CEP89: variants seen among roughly 807,000 people sequenced by gnomAD.
CEP89 encodes the protein centrosomal protein of 89 kDa.
Under a neutral mutation model 97.6 loss-of-function variants are expected in CEP89, and 95 were observed. The observed-to-expected ratio is 0.97, with a 90% CI of 0.82 to 1.15. CEP89 has a LOEUF of 1.15. Among genes scored for constraint, CEP89 ranks in the 50% most tolerant of loss-of-function variants. The pLI is 0.00. For missense variants in CEP89, 869 were observed against 947.7 expected (o/e 0.92, Z 1.09); for synonymous variants, 354 against 349.1 (o/e 1.01, Z -0.16).
At position 32,966,388 on chromosome 19, in the gene CEP89, TGCGGG is replaced by T; in HGVS notation, c.113_117del (p.Pro38GlnfsTer39). 1 of 1,558,150 alleles carries T rather than the reference TGCGGG, an allele frequency of 6.4e-7. No homozygotes were observed. The highest frequency in any genetic ancestry group is 8.7e-7 in the Non-Finnish European group (1 of 1,148,682). ...GGTCTCTCTGGAGATGGGTTGGGGC[TGCGGG>T]GAGGAGGTGTGCGTGGCACAGCTGC... On this transcript the variant is annotated frameshift_variant, in exon 2 of 19. Coordinates refer to ENST00000305768, the MANE Select transcript of CEP89 (RefSeq NM_032816.5). LOFTEE classifies it high-confidence loss of function.
At chr19:32,927,498 AC>A (rs1019931152) in intron 9 of CEP89, among the ~76,000 whole-genome samples, 3 of 151,780 alleles carry the variant, frequency 2.0e-5, no homozygotes, top group African/African-American at 7.3e-5. Flanking sequence ...ACCTAACCTA[AC>A]CTATATGTTA....
intron 3 of CEP89, among the ~76,000 whole-genome samples, chr19:32,957,811 AAAAT>A (rs1329204967): frequency 1.3e-5 from 2 of 152,124 alleles, no homozygotes; most frequent in African/African-American, 4.8e-5. Context: ...CTCTGGCTCA[AAAAT>A]AAATAAATAA....
At chr19:32,955,607 G>C (rs1367425638) in intron 3 of CEP89, among the ~76,000 whole-genome samples, 1 of 151,782 alleles carries the variant, frequency 6.6e-6, no homozygotes, top group Non-Finnish European at 1.5e-5. Flanking sequence ...TCCGCTTCCC[G>C]CGTTCAAGTG....
chr19:32,884,702 G>C (rs77725661), intron 17 of CEP89, among the ~76,000 whole-genome samples: 12,340 of 152,012 alleles, frequency 0.081, 1,556 homozygotes, highest in African/African-American at 0.27. Flanking sequence ...AGAGTTGGGA[G>C]TACAGGCGCT....
Position 32,937,646 on chromosome 19 carries a change from G to C in CEP89, c.652C>G (p.Pro218Ala), listed in dbSNP as rs142183812. Residue 218 changes from proline (P) to alanine (A), a missense_variant, in exon 7 of 19, where the codon CCT (proline) becomes GCT (alanine). By Grantham distance (27) the Pro-to-Ala change is conservative. Transcript: ENST00000305768. ...KDEKPPLCEKPPPSPDITGRA... is the reference protein window; with the variant it reads ...KDEKPPLCEKAPPSPDITGRA... ...AGGCAAATACCTGGGGAGGGTGGAG[G>C]TTTCTCACATAATGGAGGTTTTTCA... 5 of 1,606,530 alleles carry C rather than the reference G, an allele frequency of 3.1e-6. No individual in the cohort carries two copies. The African/African-American group carries it at 6.7e-5, about 22-fold the overall frequency.
At chr19:32,938,617 G>T (rs1457867119) in intron 6 of CEP89, among the ~76,000 whole-genome samples, 4 of 152,114 alleles carry the variant, frequency 2.6e-5, no homozygotes, top group African/African-American at 7.2e-5. Flanking sequence ...AAAAACTTAA[G>T]TTAGAACTAT....
intron 18 of CEP89, among the ~76,000 whole-genome samples, chr19:32,880,572 G>A (rs928675977): frequency 1.3e-5 from 2 of 149,768 alleles, no homozygotes; most frequent in African/African-American, 4.9e-5. Context: ...CCAGAAATTT[G>A]AGGCTGCAGT....
chr19:32,952,389 G>A (rs905523208), intron 4 of CEP89, among the ~76,000 whole-genome samples: 36 of 151,902 alleles, frequency 2.4e-4, no homozygotes, highest in African/African-American at 8.7e-4. Context: ...GCTGAGGTGG[G>A]AGGATCACTT....
At chr19:32,908,300 T>C (rs887141038) in intron 14 of CEP89, among the ~76,000 whole-genome samples, 2 of 152,092 alleles carry the variant, frequency 1.3e-5, no homozygotes, top group Non-Finnish European at 2.9e-5. Context: ...CTTTTTTCAG[T>C]GGAAATTGGA....
chr19:32,879,236 C>T lies in CEP89; in HGVS notation c.2278G>A (p.Val760Ile), dbSNP rs537113854. ...CCGTCCAGCAGGTCTGCCTGAGAGA[C>T]GCCATTGAGGCTGGGGGCAACCAGA... Reference protein sequence around the residue: ...RALVAPSLNGVSQADLLDGCD... With the variant: ...RALVAPSLNGISQADLLDGCD... The change falls in exon 19 of 19, where the codon GTC (valine) becomes ATC (isoleucine). Residue 760 changes from valine to isoleucine, a missense_variant. By Grantham distance (29) the Val-to-Ile change is conservative (BLOSUM62 3). Transcript: ENST00000305768. 23 of 1,614,068 alleles carry T rather than the reference C, an allele frequency of 1.4e-5. No individual in the cohort carries two copies. The highest frequency in any genetic ancestry group is 3.3e-5 in the Admixed American group (2 of 60,004).
Position 32,901,361 on chromosome 19 carries a change from C to T in CEP89, c.1617G>A (p.Met539Ile). ...GCGCTTGCAGGACTGTCAGCTTCTC[C>T]ATCAACTCCTCCATCTCAGCCCTTT... ...EKERAEMEEL[M>I]EKLTVLQAQK... Residue 539 changes from methionine to isoleucine, a missense_variant, in exon 15 of 19, where the codon ATG becomes ATA. By Grantham distance (10) the Met-to-Ile change is conservative. Transcript: ENST00000305768. 3.7e-6 allele frequency: 6 copies of T among 1,614,150 alleles called. No individual in the cohort carries two copies. The highest frequency in any genetic ancestry group is 5.1e-6 in the Non-Finnish European group (6 of 1,180,024).
Position 32,926,945 on chromosome 19 carries a change from G to A in CEP89, c.1069C>T (p.Pro357Ser). 6.2e-7 allele frequency: 1 copy of A among 1,613,602 alleles called. No individual in the cohort carries two copies. The highest frequency in any genetic ancestry group is 1.3e-5 in the African/African-American group (1 of 75,034). Residue 357 changes from proline (P) to serine (S), a missense_variant, in exon 10 of 19, where the codon CCA (proline) becomes TCA (serine). Coordinates refer to ENST00000305768, the MANE Select transcript of CEP89 (RefSeq NM_032816.5). ...TAACTTTCACTTACCAACCAGGGTG[G>A]TATAGGGCCCTTGGATGGGAGGCCT... The part of the protein sequence containing the change: ...IEGLPSKGPI[P>S]PWLLDIKYLS...
intron 5 of CEP89, among the ~76,000 whole-genome samples, 173 bp downstream of exon 5, chr19:32,948,093 C>T (rs1277781436): frequency 1.3e-5 from 2 of 152,222 alleles, no homozygotes; most frequent in African/African-American, 4.8e-5. Flanking sequence ...AGGCGTGAGC[C>T]ACCACACCTG....
At chr19:32,882,075 C>T (rs971177489) in intron 17 of CEP89, 62 bp from the exon 18 acceptor site, 31 of 1,412,236 alleles carry the variant, frequency 2.2e-5, no homozygotes, top group African/African-American at 2.9e-5. Flanking sequence ...GACAGTGCCT[C>T]CTGGCTGTGC....
chr19:32,925,895 G>C (rs10414757), intron 11 of CEP89, among the ~76,000 whole-genome samples: 38,760 of 151,796 alleles, frequency 0.26, 5,180 homozygotes, highest in South Asian at 0.3. Context: ...ATATGGGCTG[G>C]CTGTCCAGAA....
intron 11 of CEP89, among the ~76,000 whole-genome samples, chr19:32,924,452 T>G (rs1423393517): frequency 1.3e-5 from 2 of 152,212 alleles, no homozygotes; most frequent in African/African-American, 4.8e-5. Flanking sequence ...ACAGTCTGTG[T>G]GTGTGACACT....
At chr19:32,961,527 C>T (rs993433068) in intron 2 of CEP89, among the ~76,000 whole-genome samples, 10 of 140,876 alleles carry the variant, frequency 7.1e-5, no homozygotes, top group African/African-American at 1.6e-4. Context: ...TGCAGTGAGC[C>T]GAGATCGCGC....
chr19:32,911,459 C>G lies in CEP89; in HGVS notation c.1565+3878G>C, dbSNP rs144739392. ...CTGCTTGAGCCCAGCTCAAGATCAG[C>G]CTGGGCAACATGGTGAAATCCTGTC... On this transcript the variant is annotated intron_variant, in intron 14 of 18. Coordinates refer to ENST00000305768, the MANE Select transcript of CEP89 (RefSeq NM_032816.5). Among the ~76,000 whole-genome samples, 429 of 152,282 alleles carry G rather than the reference C, an allele frequency of 2.8e-3. 3 individuals carry two copies. The highest frequency in any genetic ancestry group is 9.7e-3 in the African/African-American group (401 of 41,540).
At chr19:32,898,094 C>T (rs2145883968) in intron 16 of CEP89, among the ~76,000 whole-genome samples, 1 of 152,306 alleles carries the variant, frequency 6.6e-6, no homozygotes, top group South Asian at 2.1e-4. Flanking sequence ...TTTATTGCTG[C>T]ACAATTCACA....
Sources: gnomAD v4.1 joint callset for allele counts (sites outside exome capture counted in the v4.1 genomes callset) on GRCh38, gnomAD v4.1.1 for gene constraint, MANE v1.5 for transcripts, NCBI Gene and HGNC (gene_info 2026-07-23, HGNC 2026-07-21) for gene names.